FBLN7: variants seen among roughly 807,000 people sequenced by gnomAD.
The protein encoded by FBLN7 is fibulin-7.
Under a neutral mutation model 44.0 loss-of-function variants are expected in FBLN7, and 31 were observed. The ratio of observed to expected loss-of-function variants is 0.70; its 90% CI spans 0.53 to 0.95. The LOEUF (loss-of-function observed/expected upper bound fraction) is 0.95. Among genes scored for constraint, FBLN7 ranks in the 40% least tolerant of loss-of-function variants. The pLI, the probability that FBLN7 is intolerant of heterozygous loss-of-function variation, is 0.00. For missense variants in FBLN7, 573 were observed against 618.5 expected (o/e 0.93, Z 0.78); for synonymous variants, 262 against 253.4 (o/e 1.03, Z -0.32).
chr2:112,153,731 C>T (rs960524292), intron 1 of FBLN7, among the ~76,000 whole-genome samples: 5 of 152,058 alleles, frequency 3.3e-5, no homozygotes, highest in South Asian at 2.1e-4. Context: ...TCTGGGGGTA[C>T]GAAATGTCTC....
intron 1 of FBLN7, among the ~76,000 whole-genome samples, chr2:112,140,556 C>T (rs951307389): frequency 1.3e-5 from 2 of 152,180 alleles, no homozygotes; most frequent in Admixed American, 6.5e-5. Flanking sequence ...GCTGCGAAAG[C>T]GTCGGTCCAT....
chr2:112,185,590 G>A (rs578247973), intron 7 of FBLN7, among the ~76,000 whole-genome samples: 27 of 152,280 alleles, frequency 1.8e-4, no homozygotes, highest in African/African-American at 6.5e-4. Flanking sequence ...CTACATAGAG[G>A]TTGATGGGGT....
Position 112,158,149 on chromosome 2 carries a change from G to A in FBLN7, c.76-1527G>A, listed in dbSNP as rs553836452. Among the ~76,000 whole-genome samples, 117 of 151,684 alleles carry A rather than the reference G, an allele frequency of 7.7e-4. 1 individual carries two copies. The South Asian group carries it at 0.024, about 31-fold the overall frequency. ...CCTGACCTTGTGATCCGCCCGCCTC[G>A]GCCTCCCAAAGTGCTGGGATTACAG... On this transcript the variant is annotated intron_variant, in intron 1 of 7. Coordinates refer to ENST00000331203, the MANE Select transcript of FBLN7 (RefSeq NM_153214.3).
the FBLN7 span, among the ~76,000 whole-genome samples, chr2:112,227,636 G>A: frequency 6.6e-6 from 1 of 152,138 alleles, no homozygotes; most frequent in Non-Finnish European, 1.5e-5. Flanking sequence ...GAAGTCTTGG[G>A]AAACAAGATC....
chr2:112,224,074 G>C, the FBLN7 span, among the ~76,000 whole-genome samples: 2 of 152,122 alleles, frequency 1.3e-5, no homozygotes, highest in Non-Finnish European at 2.9e-5. Flanking sequence ...GGGAGGCAGA[G>C]GTTGTGGTGA....
chr2:112,240,815 G>A, the FBLN7 span, among the ~76,000 whole-genome samples: 1 of 152,006 alleles, frequency 6.6e-6, no homozygotes, highest in South Asian at 2.1e-4. Context: ...GTTGTTTTTT[G>A]TATAATTTAA....
the FBLN7 span, among the ~76,000 whole-genome samples, chr2:112,223,655 A>T: frequency 6.6e-6 from 1 of 152,218 alleles, no homozygotes; most frequent in East Asian, 1.9e-4. Context: ...AGAAATGCTA[A>T]CAATCAATCT....
intron 1 of FBLN7, among the ~76,000 whole-genome samples, chr2:112,155,325 A>G (rs1681359006): frequency 6.6e-6 from 1 of 152,342 alleles, no homozygotes; most frequent in Middle Eastern, 3.4e-3. Context: ...CTCAGGTGAC[A>G]GATGAGCATG....
intron 2 of FBLN7, among the ~76,000 whole-genome samples, chr2:112,161,460 C>T (rs1681865709): frequency 6.6e-6 from 1 of 152,200 alleles, no homozygotes; most frequent in African/African-American, 2.4e-5. Context: ...CTCACTGGGG[C>T]TCCACACACC....
chr2:112,215,887 T>C, the FBLN7 span: 1 of 152,216 alleles, frequency 6.6e-6, no homozygotes, highest in South Asian at 2.1e-4. Flanking sequence ...GTAAGAGATA[T>C]TGTTTCACTT....
At chr2:112,182,353 C>A (rs1683044488) in intron 5 of FBLN7, among the ~76,000 whole-genome samples, 1 of 152,186 alleles carries the variant, frequency 6.6e-6, no homozygotes, top group African/African-American at 2.4e-5. Flanking sequence ...AGCAGGAGTT[C>A]AAAGCTGAGA....
the FBLN7 span, among the ~76,000 whole-genome samples, chr2:112,226,589 C>CA: frequency 8.1e-4 from 60 of 74,168 alleles, 5 homozygotes; most frequent in Admixed American, 2.0e-3. Context: ...GACTCCATCT[C>CA]AAAAAAAAAA....
chr2:112,164,106 T>G (rs1441510984), intron 2 of FBLN7, among the ~76,000 whole-genome samples: 1 of 152,214 alleles, frequency 6.6e-6, no homozygotes, highest in Non-Finnish European at 1.5e-5. Context: ...CATTGCTTAT[T>G]ATCTCCCCTG....
At chr2:112,143,825 C>T (rs4849045) in intron 1 of FBLN7, among the ~76,000 whole-genome samples, 68,755 of 151,866 alleles carry the variant, frequency 0.45, 15,807 homozygotes, top group Middle Eastern at 0.64. Context: ...TCAAGCAATC[C>T]TCCCATCTCA....
chr2:112,238,251 T>C, the FBLN7 span: 2 of 1,506,974 alleles, frequency 1.3e-6, no homozygotes, highest in East Asian at 4.5e-5. Context: ...CCTCTGTCCG[T>C]ATATGGACAA....
Position 112,187,515 on chromosome 2 carries a change from A to C in FBLN7, c.*9A>C. On this transcript the variant is annotated 3_prime_UTR_variant, in exon 8 of 8. Coordinates refer to ENST00000331203, the MANE Select transcript of FBLN7 (RefSeq NM_153214.3). This position sits in a 1 kb window ranked among gnomAD's most constrained non-coding sequence, Gnocchi z 5.1. Reference sequence around the variant, plus strand: ...CCCCCTATGACTTCTGAGGGTACACAGGGGCACTGGGGTGTGGAGAGCTGA... The same window carrying C: ...CCCCCTATGACTTCTGAGGGTACACCGGGGCACTGGGGTGTGGAGAGCTGA... 6.2e-7 allele frequency: 1 copy of C among 1,613,362 alleles called. No individual in the cohort carries two copies. The highest frequency in any genetic ancestry group is 8.5e-7 in the Non-Finnish European group (1 of 1,179,556).
intron 5 of FBLN7, among the ~76,000 whole-genome samples, chr2:112,182,180 C>T (rs956238521): frequency 6.6e-6 from 1 of 152,176 alleles, no homozygotes. Flanking sequence ...ATCACGTCTA[C>T]GGGTGGCAAG....
downstream of FBLN7, among the ~76,000 whole-genome samples, chr2:112,193,173 G>A (rs745757448): frequency 2.0e-5 from 3 of 152,180 alleles, no homozygotes; most frequent in Non-Finnish European, 4.4e-5. Flanking sequence ...GGGTGCGGTG[G>A]GTCACACCTG....
chr2:112,159,808 G>C lies in FBLN7; in HGVS notation c.208G>C (p.Gly70Arg). 5 of 1,574,464 alleles carry C rather than the reference G, an allele frequency of 3.2e-6. No homozygotes were observed. Among genetic ancestry groups the C allele is most frequent in the Non-Finnish European group, 4.3e-6 (5 of 1,162,022 alleles). ...GCTGGCCGCGCTGCAGAACTCTGTG[G>C]GCAGGGTGGGCCCAGATGCCCTTCC... ...SRLAALQNSV[G>R]RVGPDALPVS... The change falls in exon 2 of 8, where the codon GGC becomes CGC. Residue 70 changes from glycine (G) to arginine (R), a missense_variant. Physicochemically the swap from Gly to Arg is moderately radical, Grantham distance 125. Coordinates refer to ENST00000331203, the MANE Select transcript of FBLN7 (RefSeq NM_153214.3).
Sources: gnomAD v4.1 joint callset for allele counts (sites outside exome capture counted in the v4.1 genomes callset) on GRCh38, gnomAD v4.1.1 for gene constraint, Gnocchi (gnomAD v3.1) non-coding constraint, MANE v1.5 for transcripts, NCBI Gene and HGNC (gene_info 2026-07-23, HGNC 2026-07-21) for gene names.